PKHD1: variants seen among roughly 807,000 people sequenced by gnomAD.
PKHD1 encodes fibrocystin.
In PKHD1, 291 loss-of-function variants were observed where a neutral mutation model predicts 412.0. The ratio of observed to expected loss-of-function variants is 0.71; its 90% confidence interval spans 0.64 to 0.78. The LOEUF is 0.78. Among genes scored for constraint, PKHD1 ranks in the 30% least tolerant of loss-of-function variants. The probability of loss-of-function intolerance (pLI) is 0.00; values close to 1 mark genes in which losing one functional copy is unlikely to be tolerated. For missense variants in PKHD1, 4,825 were observed against 4,950.7 expected, an observed-to-expected ratio of 0.97 and a Z score of 0.76; for synonymous variants, 1,777 against 1,821.5, an observed-to-expected ratio of 0.98 and a Z score of 0.62.
intron 60 of PKHD1, among the ~76,000 whole-genome samples, chr6:51,681,769 C>T (rs993899459): frequency 1.3e-5 from 2 of 152,050 alleles, no homozygotes; most frequent in African/African-American, 2.4e-5. Flanking sequence ...TTGTTATAAA[C>T]AAAATTTTAT....
At chr6:52,079,503 G>A (rs944253683) in intron 5 of PKHD1, among the ~76,000 whole-genome samples, 1 of 152,124 alleles carries the variant, frequency 6.6e-6, no homozygotes, top group Admixed American at 6.6e-5. Flanking sequence ...TAATCTTGGT[G>A]GCCCCTCTAT....
chr6:51,787,269 G>A (rs1793028778), intron 53 of PKHD1, among the ~76,000 whole-genome samples: 1 of 149,896 alleles, frequency 6.7e-6, no homozygotes, highest in South Asian at 2.1e-4. Flanking sequence ...TGAGGCAGGA[G>A]AATTACTTAA....
rs1806591259 is a variant in PKHD1, at chr6:52,050,236, C to A, written c.2200G>T (p.Val734Leu). Residue 734 changes from valine to leucine, a missense_variant, in exon 22 of 67, where the codon GTG (valine) becomes TTG (leucine). Transcript: ENST00000371117. ...CTGTAGACCGGAGGGGATCCCACCACAGAGACTGATTCCACCAGATTGCCC... is the reference window on the plus strand; with the variant it reads ...CTGTAGACCGGAGGGGATCCCACCAAAGAGACTGATTCCACCAGATTGCCC... ...PGGNLVESVS[V>L]VGSPPVYSVT... 1 of 1,614,230 alleles carries A rather than the reference C, an allele frequency of 6.2e-7. No individual in the cohort carries two copies. Among genetic ancestry groups the A allele is most frequent in the Non-Finnish European group, 8.5e-7 (1 of 1,180,026 alleles).
chr6:51,894,258 G>C (rs982461626), intron 43 of PKHD1, among the ~76,000 whole-genome samples: 1 of 152,100 alleles, frequency 6.6e-6, no homozygotes, highest in Non-Finnish European at 1.5e-5. Flanking sequence ...GGAAAGCATG[G>C]CAAACGCCTA....
intron 21 of PKHD1, among the ~76,000 whole-genome samples, chr6:52,052,552 C>T (rs779651014): frequency 2.0e-5 from 3 of 152,200 alleles, no homozygotes; most frequent in African/African-American, 7.2e-5. Context: ...AAATCAGACT[C>T]TTGGCCCATT....
chr6:51,626,897 T>C (rs1355593542), intron 66 of PKHD1, 100 bp downstream of exon 66: 2 of 1,281,956 alleles, frequency 1.6e-6, no homozygotes, highest in Non-Finnish European at 2.3e-6. Context: ...GAAGGGGCTA[T>C]AAACCAAATT....
At position 51,659,690 on chromosome 6, in the gene PKHD1, T is replaced by C. The variant is rs1277940201; in HGVS notation, c.10436A>G (p.Gln3479Arg). 1.2e-6 allele frequency: 2 copies of C among 1,613,740 alleles called. No homozygotes were observed. Among genetic ancestry groups the C allele is most frequent in the South Asian group, 2.2e-5 (2 of 91,082 alleles). ...CCCCAATAGAAAAAAGCGCAAAACT[T>C]GAGGAGTTTGATCCATGAAGCAGAC... The part of the protein sequence containing the change: ...TKVCFMDQTP[Q>R]VLRFFLLGNK... Residue 3479 changes from glutamine (Q) to arginine (R), a missense_variant, in exon 61 of 67, where the codon CAA (glutamine) becomes CGA (arginine). Gln to Arg is a conservative substitution (Grantham distance 43, BLOSUM62 1). Transcript: ENST00000371117.
intron 46 of PKHD1, among the ~76,000 whole-genome samples, chr6:51,871,681 A>T (rs571611691): frequency 8.4e-6 from 1 of 119,132 alleles, no homozygotes; most frequent in Admixed American, 7.9e-5. Flanking sequence ...AATATATTTT[A>T]AAAACTTTAA....
chr6:52,079,946 A>G lies in PKHD1; in HGVS notation c.344T>C (p.Leu115Pro), dbSNP rs1811812265. Residue 115 changes from leucine (L) to proline (P), a missense_variant, in exon 5 of 67, where the codon CTG becomes CCG. Physicochemically the swap from Leu to Pro is moderately conservative, Grantham distance 98. Transcript: ENST00000371117. ...YFLEAYFGGQ[L>P]VSSPNPGPRD... ...TGGTCCTGGATTTGGACTGCTTACC[A>G]GCTGTCCCCCGAAGTATGCTTCCAG... 1 of 1,612,148 alleles carries G rather than the reference A, an allele frequency of 6.2e-7. No homozygotes were observed. The highest frequency in any genetic ancestry group is 1.7e-5 in the Admixed American group (1 of 59,990).
At chr6:51,812,532 G>C (rs1411922905) in intron 52 of PKHD1, among the ~76,000 whole-genome samples, 1 of 152,094 alleles carries the variant, frequency 6.6e-6, no homozygotes, top group Non-Finnish European at 1.5e-5. Flanking sequence ...TATTAAAACT[G>C]ACAAACAGAC....
At chr6:51,751,721 T>C (rs1348148856) in intron 57 of PKHD1, among the ~76,000 whole-genome samples, 3 of 152,142 alleles carry the variant, frequency 2.0e-5, no homozygotes, top group Non-Finnish European at 2.9e-5. Flanking sequence ...GGAAAACAGA[T>C]GAAAGACCTA....
At chr6:51,739,668 T>C (rs1200698412) in intron 60 of PKHD1, among the ~76,000 whole-genome samples, 1 of 152,240 alleles carries the variant, frequency 6.6e-6, no homozygotes, top group Non-Finnish European at 1.5e-5. Context: ...TTAGAGACGC[T>C]CTGGTAGACA....
intron 60 of PKHD1, among the ~76,000 whole-genome samples, chr6:51,708,855 T>C (rs952390509): frequency 6.6e-6 from 1 of 151,858 alleles, no homozygotes; most frequent in Non-Finnish European, 1.5e-5. Flanking sequence ...AGGCTAAGAA[T>C]GGTTTTAAAC....
chr6:51,803,059 T>G lies in PKHD1; in HGVS notation c.8303-11686A>C, dbSNP rs184815037. On this transcript the variant is annotated intron_variant, in intron 52 of 66. Coordinates refer to ENST00000371117, the MANE Select transcript of PKHD1 (RefSeq NM_138694.4). ...TGAGTAACAAATATTTAGTAAATAA[T>G]CTCTACTTTCTATTTTAATATGTTG... Among the ~76,000 whole-genome samples the G allele has an allele frequency of 1.1e-3, 166 of 151,486 alleles. 6 individuals are homozygous for G. The highest frequency in any genetic ancestry group is 3.8e-3 in the African/African-American group (157 of 40,888).
chr6:51,648,252 T>C, intron 62 of PKHD1, 134 bp from the exon 63 acceptor site: 1 of 625,202 alleles, frequency 1.6e-6, no homozygotes, highest in South Asian at 1.9e-5. Context: ...AAGAAAGTGA[T>C]AAATAAATGT....
intron 36 of PKHD1, among the ~76,000 whole-genome samples, chr6:51,937,019 A>G (rs1787609414): frequency 6.6e-6 from 1 of 152,168 alleles, no homozygotes; most frequent in Admixed American, 6.5e-5. Flanking sequence ...ACCTTTTTAG[A>G]TCTGCTAAGA....
At chr6:51,681,372 T>C (rs1031958665) in intron 60 of PKHD1, among the ~76,000 whole-genome samples, 3 of 152,014 alleles carry the variant, frequency 2.0e-5, no homozygotes, top group African/African-American at 7.2e-5. Flanking sequence ...CTTAGCAATG[T>C]CATGTTTGGT....
chr6:51,893,253 T>G (rs1206638553), intron 43 of PKHD1, among the ~76,000 whole-genome samples: 1 of 152,200 alleles, frequency 6.6e-6, no homozygotes, highest in Non-Finnish European at 1.5e-5. Context: ...AAAAATATAT[T>G]CCAAGGACTG....
At chr6:51,808,437 T>C (rs1314035013) in intron 52 of PKHD1, among the ~76,000 whole-genome samples, 2 of 152,074 alleles carry the variant, frequency 1.3e-5, no homozygotes, top group Non-Finnish European at 2.9e-5. Flanking sequence ...TAAAATCTTT[T>C]AAAAAATTGA....
Sources: gnomAD v4.1 joint callset for allele counts (sites outside exome capture counted in the v4.1 genomes callset) on GRCh38, gnomAD v4.1.1 for gene constraint, MANE v1.5 for transcripts, NCBI Gene and HGNC (gene_info 2026-07-23, HGNC 2026-07-21) for gene names.